The following FBXO34 variants were observed in gnomAD, a reference collection of about 807,000 sequenced individuals.
FBXO34 encodes the protein F-box only protein 34.
Under a neutral mutation model 24.5 loss-of-function variants are expected in FBXO34, and 12 were observed. The ratio of observed to expected loss-of-function variants is 0.49; its 90% CI spans 0.31 to 0.79. The LOEUF (loss-of-function observed/expected upper bound fraction) is 0.79, where lower values mean the gene tolerates loss of function less well. FBXO34 is among the 30% of genes least tolerant of loss of function. The pLI is 0.04. For synonymous variants in FBXO34, 320 were observed against 311.9 expected (o/e 1.03, Z -0.27); for missense variants, 823 against 857.7 (o/e 0.96, Z 0.51).
downstream of FBXO34, chr14:55,369,947 C>T (rs1566575978): frequency 2.5e-6 from 4 of 1,569,140 alleles, no homozygotes; most frequent in Non-Finnish European, 3.5e-6. Context: ...CAATGAGGGT[C>T]TCTTTAGGAT....
the FBXO34 span, among the ~76,000 whole-genome samples, chr14:55,423,599 T>C: frequency 1.3e-5 from 2 of 152,262 alleles, no homozygotes; most frequent in Non-Finnish European, 2.9e-5. Flanking sequence ...GCCTATGAGC[T>C]AAGAATGGTT....
chr14:55,345,602 A>G (rs1021559040), intron 1 of FBXO34, among the ~76,000 whole-genome samples: 3 of 152,140 alleles, frequency 2.0e-5, no homozygotes, highest in African/African-American at 4.8e-5. Context: ...TCTGACACAT[A>G]TAACATTTGT....
chr14:55,410,951 T>C, the FBXO34 span, among the ~76,000 whole-genome samples: 4 of 152,278 alleles, frequency 2.6e-5, no homozygotes, highest in Non-Finnish European at 4.4e-5. Context: ...AACCAAAACA[T>C]TTTCCTAAAG....
intron 1 of FBXO34, among the ~76,000 whole-genome samples, chr14:55,340,326 C>A (rs1238195434): frequency 6.6e-6 from 1 of 152,048 alleles, no homozygotes; most frequent in Non-Finnish European, 1.5e-5. Flanking sequence ...CTCACTGCAA[C>A]CTCTAACTCC....
the FBXO34 span, among the ~76,000 whole-genome samples, chr14:55,420,912 T>A: frequency 6.6e-6 from 1 of 151,584 alleles, no homozygotes; most frequent in Non-Finnish European, 1.5e-5. Context: ...ACAAAAAAAA[T>A]TAGCTGGGCA....
chr14:55,353,858 T>G (rs1884476243), downstream of FBXO34, among the ~76,000 whole-genome samples: 1 of 152,204 alleles, frequency 6.6e-6, no homozygotes, highest in Admixed American at 6.5e-5. Context: ...TCTAGGAGAT[T>G]CTTACAGCTT....
intron 1 of FBXO34, among the ~76,000 whole-genome samples, chr14:55,321,858 G>A (rs766534936): frequency 5.3e-5 from 8 of 152,180 alleles, no homozygotes; most frequent in Non-Finnish European, 1.2e-4. Context: ...CATCTTTAGT[G>A]GACCTCAGAT....
chr14:55,373,443 G>A (rs1335150083), downstream of FBXO34, among the ~76,000 whole-genome samples: 2 of 152,060 alleles, frequency 1.3e-5, no homozygotes, highest in Non-Finnish European at 2.9e-5. Context: ...GGGTGTATAT[G>A]ACTGTACTAT....
chr14:55,369,735 G>C, downstream of FBXO34: 1 of 1,613,862 alleles, frequency 6.2e-7, no homozygotes, highest in African/African-American at 1.3e-5. Flanking sequence ...CTCTGACTCT[G>C]GGAGACTTCC....
chr14:55,280,669 G>C (rs1054174320), intron 1 of FBXO34, among the ~76,000 whole-genome samples: 1 of 151,920 alleles, frequency 6.6e-6, no homozygotes, highest in Admixed American at 6.6e-5. Flanking sequence ...TGGGACTACA[G>C]GTGCCCGCCA....
intron 1 of FBXO34, among the ~76,000 whole-genome samples, chr14:55,324,739 A>G (rs1180419776): frequency 1.3e-5 from 2 of 152,180 alleles, no homozygotes; most frequent in African/African-American, 2.4e-5. Flanking sequence ...ATTAAAGGAA[A>G]AGAAGTTTTC....
chr14:55,432,110 T>TA, the FBXO34 span, among the ~76,000 whole-genome samples: 1 of 152,012 alleles, frequency 6.6e-6, no homozygotes, highest in South Asian at 2.1e-4. Flanking sequence ...TTGTGTTTTT[T>TA]AAAAAACCCA....
chr14:55,386,093 G>A, the FBXO34 span: 1 of 1,606,900 alleles, frequency 6.2e-7, no homozygotes. Flanking sequence ...AAGGCCTTCA[G>A]AATCTAAAAT....
chr14:55,332,222 A>G (rs1311912299), intron 1 of FBXO34, among the ~76,000 whole-genome samples: 1 of 151,790 alleles, frequency 6.6e-6, no homozygotes, highest in Non-Finnish European at 1.5e-5. Context: ...CAGGTTTGCT[A>G]GCACATTGGA....
chr14:55,398,097 G>A, the FBXO34 span, among the ~76,000 whole-genome samples: 895 of 152,012 alleles, frequency 5.9e-3, 6 homozygotes, highest in African/African-American at 0.02. Context: ...ACAGGCGCCT[G>A]CCACCATGCC....
intron 1 of FBXO34, among the ~76,000 whole-genome samples, chr14:55,273,920 C>T (rs560333588): frequency 4.3e-4 from 65 of 152,310 alleles, no homozygotes; most frequent in South Asian, 2.7e-3. Flanking sequence ...ATTCTCCTGG[C>T]TCAGCCCCTC....
At chr14:55,392,154 G>A in the FBXO34 span, among the ~76,000 whole-genome samples, 21 of 152,256 alleles carry the variant, frequency 1.4e-4, no homozygotes, top group South Asian at 1.0e-3. Context: ...CCTCGCATGT[G>A]CAGTCCATAA....
the FBXO34 span, chr14:55,436,744 A>C: frequency 1.2e-5 from 19 of 1,614,088 alleles, no homozygotes; most frequent in Admixed American, 1.7e-5. Flanking sequence ...GCCCAGCCCA[A>C]CGTCCTGTTC....
At chr14:55,320,908 A>G (rs540759364) in intron 1 of FBXO34, among the ~76,000 whole-genome samples, 90 of 152,336 alleles carry the variant, frequency 5.9e-4, no homozygotes, top group Middle Eastern at 3.4e-3. Context: ...AAAGAAACCA[A>G]TGTGGATTAA....
Sources: gnomAD v4.1 joint callset for allele counts (sites outside exome capture counted in the v4.1 genomes callset) on GRCh38, gnomAD v4.1.1 for gene constraint, MANE v1.5 for transcripts, NCBI Gene and HGNC (gene_info 2026-07-23, HGNC 2026-07-21) for gene names.